OR9Q1: variants seen among roughly 807,000 people sequenced by gnomAD.
OR9Q1 encodes the protein olfactory receptor family 9 subfamily Q member 1.
For missense variants in OR9Q1, 374 were observed against 378.8 expected, an observed-to-expected ratio of 0.99 and a Z score of 0.11; for synonymous variants, 153 against 148.6, an observed-to-expected ratio of 1.03 and a Z score of -0.22.
intron 2 of OR9Q1, among the ~76,000 whole-genome samples, chr11:58,089,089 A>G (rs1290440450): frequency 6.6e-6 from 1 of 151,296 alleles, no homozygotes; most frequent in Non-Finnish European, 1.5e-5. Context: ...TGTTGGCCAG[A>G]CTGATCTCGA....
chr11:58,141,323 T>C (rs575587214), intron 2 of OR9Q1, among the ~76,000 whole-genome samples: 1 of 152,306 alleles, frequency 6.6e-6, no homozygotes, highest in African/African-American at 2.4e-5. Flanking sequence ...GCTTCCAGTT[T>C]TTGCCCATTC....
At chr11:58,053,627 AAAAT>A (rs1379671360) in intron 1 of OR9Q1, among the ~76,000 whole-genome samples, 8 of 103,334 alleles carry the variant, frequency 7.7e-5, no homozygotes, top group African/African-American at 2.8e-4. Flanking sequence ...ATATATATAT[AAAAT>A]ATATATATAT....
At chr11:58,086,720 C>T (rs1423817554) in intron 2 of OR9Q1, among the ~76,000 whole-genome samples, 1 of 151,692 alleles carries the variant, frequency 6.6e-6, no homozygotes, top group East Asian at 1.9e-4. Flanking sequence ...ATGAGTGAAA[C>T]TTGAGGACGT....
At chr11:58,137,498 G>A (rs1854200666) in intron 2 of OR9Q1, among the ~76,000 whole-genome samples, 1 of 152,158 alleles carries the variant, frequency 6.6e-6, no homozygotes, top group African/African-American at 2.4e-5. Flanking sequence ...GGGGTCATTT[G>A]CCAAAAAATT....
intron 1 of OR9Q1, among the ~76,000 whole-genome samples, chr11:58,025,391 G>A (rs552006275): frequency 2.6e-5 from 4 of 152,236 alleles, no homozygotes; most frequent in South Asian, 2.1e-4. Flanking sequence ...TGGTAGAGAC[G>A]GGGTTTCACC....
chr11:58,121,696 T>C (rs1375826646), intron 2 of OR9Q1, among the ~76,000 whole-genome samples: 1 of 152,232 alleles, frequency 6.6e-6, no homozygotes, highest in African/African-American at 2.4e-5. Context: ...GCCATGAATA[T>C]AGAAATTAGA....
chr11:58,095,886 G>A (rs1006980322), intron 2 of OR9Q1, among the ~76,000 whole-genome samples: 5 of 152,114 alleles, frequency 3.3e-5, no homozygotes, highest in African/African-American at 7.2e-5. Context: ...ACTTAAATAC[G>A]CATCAAAGTG....
chr11:58,062,800 G>A (rs1853392389), intron 2 of OR9Q1, among the ~76,000 whole-genome samples: 1 of 152,160 alleles, frequency 6.6e-6, no homozygotes, highest in Non-Finnish European at 1.5e-5. Context: ...AAGCAATCCT[G>A]TCAATTAGAT....
intron 2 of OR9Q1, among the ~76,000 whole-genome samples, chr11:58,160,315 A>G (rs987432575): frequency 9.2e-5 from 14 of 152,252 alleles, no homozygotes; most frequent in Admixed American, 8.5e-4. Context: ...TGCAATTTTA[A>G]GCCACTAAGA....
intron 2 of OR9Q1, among the ~76,000 whole-genome samples, chr11:58,151,062 A>C (rs975749570): frequency 5.3e-5 from 8 of 152,090 alleles, no homozygotes; most frequent in Admixed American, 5.2e-4. Flanking sequence ...TAGGTATTTT[A>C]TCCATTTTTA....
intron 2 of OR9Q1, among the ~76,000 whole-genome samples, chr11:58,068,415 G>A (rs1853453245): frequency 6.6e-6 from 1 of 151,932 alleles, no homozygotes; most frequent in Non-Finnish European, 1.5e-5. Flanking sequence ...CCAGGTTGGT[G>A]GCTGAAGCCT....
At chr11:58,053,609 A>AAAAATATATATATAT (rs1170880570) in intron 1 of OR9Q1, among the ~76,000 whole-genome samples, 29,085 of 66,716 alleles carry the variant, frequency 0.44, 4,490 homozygotes, top group Non-Finnish European at 0.53. Flanking sequence ...AATAAAATTA[A>AAAAATATATATATAT]AAAATATATA....
intron 2 of OR9Q1, among the ~76,000 whole-genome samples, chr11:58,092,329 T>C (rs1413122973): frequency 1.4e-4 from 3 of 21,596 alleles, no homozygotes; most frequent in African/African-American, 2.5e-4. Flanking sequence ...TTCTTAATTC[T>C]AATTTTTTTT....
chr11:58,076,147 T>C (rs1853537006), intron 2 of OR9Q1, among the ~76,000 whole-genome samples: 1 of 152,238 alleles, frequency 6.6e-6, no homozygotes, highest in African/African-American at 2.4e-5. Context: ...CTTTTTGGCC[T>C]CTGCTTTAAA....
chr11:58,137,543 T>A (rs1282479846), intron 2 of OR9Q1, among the ~76,000 whole-genome samples: 2 of 152,144 alleles, frequency 1.3e-5, no homozygotes, highest in South Asian at 4.1e-4. Flanking sequence ...CTTGCCCAAG[T>A]GTAAGAGGAT....
At chr11:58,034,914 A>G (rs1322635849) in intron 1 of OR9Q1, among the ~76,000 whole-genome samples, 2 of 147,262 alleles carry the variant, frequency 1.4e-5, no homozygotes, top group Non-Finnish European at 3.0e-5. Flanking sequence ...TGCAACCTCC[A>G]CCTCTTGGAC....
chr11:58,108,698 A>G, intron 2 of OR9Q1: 1 of 221,050 alleles, frequency 4.5e-6, no homozygotes, highest in South Asian at 7.4e-5. Context: ...ATGGGTCATG[A>G]TGAAGGACCC....
intron 2 of OR9Q1, among the ~76,000 whole-genome samples, chr11:58,133,759 G>A (rs1854164841): frequency 6.6e-6 from 1 of 152,230 alleles, no homozygotes; most frequent in South Asian, 2.1e-4. Context: ...AATGCTGGCA[G>A]GTGTTGGGAA....
At chr11:58,032,074 G>A in intron 1 of OR9Q1, 1 of 550,460 alleles carries the variant, frequency 1.8e-6, no homozygotes, top group South Asian at 2.7e-5. Flanking sequence ...ATTTATAAGG[G>A]GAACCACAAA....
Sources: allele counts gnomAD v4.1 joint callset (sites outside exome capture counted in the v4.1 genomes callset), GRCh38; gene constraint gnomAD v4.1.1; transcripts MANE v1.5; gene names NCBI Gene and HGNC (gene_info 2026-07-23, HGNC 2026-07-21).